The following TGFBR2 variants were observed in gnomAD, a reference collection of about 807,000 sequenced individuals.
TGFBR2 encodes the protein transforming growth factor beta receptor 2, also known as TGF-beta receptor type-2.
TGFBR2 carries 18 observed loss-of-function variants against 49.0 expected under a neutral mutation model. The observed-to-expected ratio is 0.37, with a 90% CI of 0.25 to 0.54. The LOEUF is 0.54. Among genes scored for constraint, TGFBR2 ranks in the 20% least tolerant of loss-of-function variants. The pLI, the probability that TGFBR2 is intolerant of heterozygous loss-of-function variation, is 0.85. For missense variants in TGFBR2, 525 were observed against 722.6 expected, an observed-to-expected ratio of 0.73 and a Z score of 3.13; for synonymous variants, 282 against 275.9, an observed-to-expected ratio of 1.02 and a Z score of -0.22.
Position 30,693,943 on chromosome 3 carries a change from T to C in TGFBR2, c.*2344T>C. 1 of 230,984 alleles carries C rather than the reference T, an allele frequency of 4.3e-6. No individual in the cohort carries two copies. The highest frequency in any genetic ancestry group is 8.6e-6 in the Non-Finnish European group (1 of 116,404). 14.3% of individuals were successfully genotyped at this position (230,984 alleles called of 1,614,324 possible). ...TACATAAAGGGAAAGTTTTATTCTTTTATGGAACACTTCAGCTGTACTCAT... is the reference window on the plus strand; with the variant it reads ...TACATAAAGGGAAAGTTTTATTCTTCTATGGAACACTTCAGCTGTACTCAT... On this transcript the variant is annotated 3_prime_UTR_variant, in exon 7 of 7. Coordinates refer to ENST00000295754, the MANE Select transcript of TGFBR2 (RefSeq NM_003242.6).
chr3:30,645,165 A>G (rs1393752476), intron 2 of TGFBR2, among the ~76,000 whole-genome samples: 1 of 152,190 alleles, frequency 6.6e-6, no homozygotes, highest in Non-Finnish European at 1.5e-5. Context: ...TGTAAAGATC[A>G]TAAAATGATC....
intron 5 of TGFBR2, among the ~76,000 whole-genome samples, chr3:30,681,900 G>T (rs555576070): frequency 6.6e-6 from 1 of 152,326 alleles, no homozygotes; most frequent in South Asian, 2.1e-4. Flanking sequence ...GAGGAAATGA[G>T]TCAGGAAAGG....
chr3:30,631,036 CTTTTT>C (rs34649868), intron 1 of TGFBR2, among the ~76,000 whole-genome samples: 1 of 120,898 alleles, frequency 8.3e-6, no homozygotes, highest in African/African-American at 3.2e-5. Context: ...AAGGAGTAGC[CTTTTT>C]TTTTTTTTTT....
At chr3:30,609,492 A>C (rs1226503507) in intron 1 of TGFBR2, among the ~76,000 whole-genome samples, 1 of 152,194 alleles carries the variant, frequency 6.6e-6, no homozygotes, top group Admixed American at 6.5e-5. Context: ...TATGCAAAGG[A>C]TTTAAATAAA....
At chr3:30,657,114 C>T (rs1394992902) in intron 3 of TGFBR2, among the ~76,000 whole-genome samples, 3 of 152,172 alleles carry the variant, frequency 2.0e-5, no homozygotes, top group Non-Finnish European at 4.4e-5. Flanking sequence ...TAGTTTGTTC[C>T]TCACTTTTTG....
chr3:30,662,347 C>G (rs150648421), intron 3 of TGFBR2, among the ~76,000 whole-genome samples: 1 of 152,122 alleles, frequency 6.6e-6, no homozygotes, highest in Non-Finnish European at 1.5e-5. Flanking sequence ...GATTATCATA[C>G]TGGATTAGAA....
At chr3:30,663,797 C>T (rs1206921282) in intron 3 of TGFBR2, among the ~76,000 whole-genome samples, 2 of 151,980 alleles carry the variant, frequency 1.3e-5, no homozygotes, top group Non-Finnish European at 2.9e-5. Context: ...ATTCACTAAG[C>T]CAGACACTTG....
chr3:30,618,675 G>A (rs1444960820), intron 1 of TGFBR2, among the ~76,000 whole-genome samples: 1 of 152,292 alleles, frequency 6.6e-6, no homozygotes, highest in East Asian at 1.9e-4. Context: ...AAAATAGGTA[G>A]CACTCTGCTC....
chr3:30,629,356 G>C (rs1211071967), intron 1 of TGFBR2, among the ~76,000 whole-genome samples: 1 of 152,146 alleles, frequency 6.6e-6, no homozygotes, highest in Middle Eastern at 3.2e-3. Flanking sequence ...AGTTCTCTTG[G>C]CTCTGGCCCT....
rs1698698737 is a variant in TGFBR2, at chr3:30,644,728, T to C, written c.95-19T>C. 17 of 1,613,024 alleles carry C rather than the reference T, an allele frequency of 1.1e-5. No individual in the cohort carries two copies. Among genetic ancestry groups the C allele is most frequent in the Non-Finnish European group, 1.4e-5 (17 of 1,179,198 alleles). On this transcript the variant is annotated intron_variant, in intron 1 of 6. Coordinates refer to ENST00000295754, the MANE Select transcript of TGFBR2 (RefSeq NM_003242.6). The stretch of plus-strand genomic sequence containing the variant: ...CTGGCAGTTGGATAATCATTTAATA[T>C]ATCTTTCTCTCTCCTCAGTTAATAA...
chr3:30,638,081 G>A (rs989768686), intron 1 of TGFBR2, among the ~76,000 whole-genome samples: 4 of 152,224 alleles, frequency 2.6e-5, no homozygotes, highest in African/African-American at 9.6e-5. Flanking sequence ...TTAGCAATGA[G>A]GTTGACATGC....
chr3:30,651,738 A>T (rs1440355880), intron 3 of TGFBR2, among the ~76,000 whole-genome samples: 1 of 152,244 alleles, frequency 6.6e-6, no homozygotes, highest in Non-Finnish European at 1.5e-5. Context: ...GATTAGAAAT[A>T]TGTGTATTTT....
intron 5 of TGFBR2, among the ~76,000 whole-genome samples, chr3:30,685,838 G>A (rs949294930): frequency 6.6e-6 from 1 of 152,212 alleles, no homozygotes; most frequent in African/African-American, 2.4e-5. Context: ...GGGGACCTTG[G>A]CAGGCACCAA....
chr3:30,675,448 G>T (rs1178143209), intron 5 of TGFBR2, among the ~76,000 whole-genome samples: 1 of 151,060 alleles, frequency 6.6e-6, no homozygotes, highest in South Asian at 2.1e-4. Context: ...GTGCAATGGC[G>T]CAATCTCGGC....
chr3:30,679,525 A>G lies in TGFBR2; in HGVS notation c.1396+5279A>G, dbSNP rs149162956. On this transcript the variant is annotated intron_variant, in intron 5 of 6. Transcript: ENST00000295754. ...GGGCCTCGGGAGATGTGTTGCAGTT[A>G]GGTGAAGAGAGTGGTCAGAGAGAAA... Among the ~76,000 whole-genome samples, 196 of 152,334 alleles carry G rather than the reference A, an allele frequency of 1.3e-3. 1 individual carries two copies. Among genetic ancestry groups the G allele is most frequent in the African/African-American group, 4.6e-3 (193 of 41,568 alleles).
At chr3:30,662,194 A>G (rs1699144804) in intron 3 of TGFBR2, among the ~76,000 whole-genome samples, 2 of 152,192 alleles carry the variant, frequency 1.3e-5, no homozygotes, top group African/African-American at 2.4e-5. Context: ...ACATATCCCA[A>G]TATTTAGACT....
chr3:30,669,096 T>G (rs1699292568), intron 3 of TGFBR2, among the ~76,000 whole-genome samples: 2 of 109,282 alleles, frequency 1.8e-5, no homozygotes, highest in South Asian at 6.0e-4. Context: ...GCCAACATGG[T>G]GAAACCCCGT....
chr3:30,665,498 G>A (rs1476691872), intron 3 of TGFBR2, among the ~76,000 whole-genome samples: 2 of 152,168 alleles, frequency 1.3e-5, no homozygotes, highest in Non-Finnish European at 2.9e-5. Flanking sequence ...TCGTATATGA[G>A]TTATCTTTCT....
intron 3 of TGFBR2, among the ~76,000 whole-genome samples, chr3:30,661,308 G>A (rs1274557066): frequency 6.6e-6 from 1 of 152,156 alleles, no homozygotes; most frequent in Non-Finnish European, 1.5e-5. Flanking sequence ...CTTTGTGGGA[G>A]GACAGATGTG....
Sources: gnomAD v4.1 joint callset for allele counts (sites outside exome capture counted in the v4.1 genomes callset) on GRCh38, gnomAD v4.1.1 for gene constraint, MANE v1.5 for transcripts, NCBI Gene and HGNC (gene_info 2026-07-23, HGNC 2026-07-21) for gene names.